Variants in LDLRAD3 observed in about 807,000 individuals in gnomAD.
LDLRAD3 encodes the protein low density lipoprotein receptor class A domain containing 3, also known as low-density lipoprotein receptor class A domain-containing protein 3.
In LDLRAD3, 20 loss-of-function variants were observed where a neutral mutation model predicts 29.4. That is an observed-to-expected ratio of 0.68 (90% CI 0.48 to 0.99). The LOEUF is 0.99. Among genes scored for constraint, LDLRAD3 ranks in the 50% least tolerant of loss-of-function variants. The pLI, the probability that LDLRAD3 is intolerant of heterozygous loss-of-function variation, is 0.00. For synonymous variants in LDLRAD3, 157 were observed against 192.7 expected, an observed-to-expected ratio of 0.81 and a Z score of 1.53; for missense variants, 420 against 454.3, an observed-to-expected ratio of 0.92 and a Z score of 0.69.
At chr11:36,219,878 T>C (rs952371762) in intron 4 of LDLRAD3, among the ~76,000 whole-genome samples, 4 of 151,988 alleles carry the variant, frequency 2.6e-5, no homozygotes, top group Non-Finnish European at 4.4e-5. Flanking sequence ...GTAAAGAAAA[T>C]GAAAAGATAA....
At chr11:36,087,280 G>T (rs1160432548) in intron 3 of LDLRAD3, among the ~76,000 whole-genome samples, 1 of 152,082 alleles carries the variant, frequency 6.6e-6, no homozygotes, top group African/African-American at 2.4e-5. Flanking sequence ...TTTAAATCAT[G>T]GTTTGATACT....
At chr11:36,063,020 T>C (rs1852730207) in intron 2 of LDLRAD3, among the ~76,000 whole-genome samples, 1 of 152,186 alleles carries the variant, frequency 6.6e-6, no homozygotes, top group African/African-American at 2.4e-5. Flanking sequence ...GTCTCTGCAT[T>C]TCATTGTCTG....
intron 2 of LDLRAD3, 111 bp from the exon 3 acceptor site, chr11:36,081,542 T>G: frequency 1.4e-6 from 2 of 1,410,364 alleles, no homozygotes; most frequent in Non-Finnish European, 2.0e-6. Context: ...CTTCAAGGAC[T>G]TTAAGATGAA....
intron 2 of LDLRAD3, among the ~76,000 whole-genome samples, chr11:36,072,863 C>T (rs951572927): frequency 2.0e-5 from 3 of 152,232 alleles, no homozygotes; most frequent in Non-Finnish European, 2.9e-5. Context: ...CTCTAGTTCT[C>T]ACGTGGACCC....
At chr11:36,073,797 G>A (rs11033401) in intron 2 of LDLRAD3, among the ~76,000 whole-genome samples, 3,866 of 152,308 alleles carry the variant, frequency 0.025, 151 homozygotes, top group African/African-American at 0.087. Context: ...TGGCTAATTC[G>A]TTTATAATTA....
At position 36,227,097 on chromosome 11, in the gene LDLRAD3, G is replaced by A; in HGVS notation, c.467G>A (p.Gly156Glu). 3.1e-6 allele frequency: 5 copies of A among 1,594,220 alleles called. No homozygotes were observed. The highest frequency in any genetic ancestry group is 4.3e-6 in the Non-Finnish European group (5 of 1,165,260). ...SCESSQEPGS[G>E]QVFVTSENQL... ...TTGGGTTTCTCAGAACCCGGCAGTG[G>A]GCAGGTGTTTGTGACTTCAGAGAAC... The change falls in exon 5 of 6, where the codon GGG becomes GAG. Residue 156 changes from glycine (G) to glutamate (E), a missense_variant. By Grantham distance (98) the Gly-to-Glu change is moderately conservative. This residue lies in a region of LDLRAD3 where 224 missense variants were observed against 222.2 expected (regional missense o/e 1.01). Coordinates refer to ENST00000315571, the MANE Select transcript of LDLRAD3 (RefSeq NM_174902.4).
chr11:36,056,236 A>C (rs947741722), intron 2 of LDLRAD3, among the ~76,000 whole-genome samples: 1 of 151,590 alleles, frequency 6.6e-6, no homozygotes, highest in Non-Finnish European at 1.5e-5. Flanking sequence ...TTTGTGATCC[A>C]CCCGCCGCGG....
intron 2 of LDLRAD3, among the ~76,000 whole-genome samples, chr11:36,063,023 A>T (rs144038942): frequency 2.4e-4 from 36 of 152,310 alleles, no homozygotes; most frequent in African/African-American, 7.2e-4. Context: ...TCTGCATTTC[A>T]TTGTCTGGAT....
intron 4 of LDLRAD3, among the ~76,000 whole-genome samples, chr11:36,169,236 C>G (rs12798334): frequency 0.052 from 7,959 of 152,236 alleles, 241 homozygotes; most frequent in Middle Eastern, 0.11. Context: ...GCATAATGAT[C>G]AAACCAGGGT....
intron 4 of LDLRAD3, among the ~76,000 whole-genome samples, chr11:36,127,468 T>C (rs917149436): frequency 6.6e-6 from 1 of 152,206 alleles, no homozygotes; most frequent in African/African-American, 2.4e-5. Context: ...ACTAGCCTGT[T>C]AGGTTATTTT....
intron 3 of LDLRAD3, among the ~76,000 whole-genome samples, chr11:36,083,436 G>T (rs1004795782): frequency 1.3e-5 from 2 of 152,078 alleles, no homozygotes; most frequent in Admixed American, 1.3e-4. Flanking sequence ...TATCCCGTAA[G>T]TTAGAATGAG....
chr11:36,219,292 T>C (rs58048041), intron 4 of LDLRAD3, among the ~76,000 whole-genome samples: 10,231 of 152,298 alleles, frequency 0.067, 450 homozygotes, highest in East Asian at 0.2. Context: ...CTGCCTTGAA[T>C]ATTTCTATAT....
intron 2 of LDLRAD3, among the ~76,000 whole-genome samples, chr11:36,048,099 G>C (rs1203211490): frequency 1.3e-5 from 2 of 152,206 alleles, no homozygotes; most frequent in African/African-American, 4.8e-5. Flanking sequence ...AGCCTCCAGG[G>C]TTGGCGAGAG....
chr11:36,117,843 T>G (rs1231612061), intron 4 of LDLRAD3, among the ~76,000 whole-genome samples: 2 of 152,242 alleles, frequency 1.3e-5, no homozygotes, highest in African/African-American at 2.4e-5. Context: ...GTAAGATATC[T>G]ATAAACATTG....
rs183086029 is a variant in LDLRAD3, at chr11:36,034,429, G to A, written c.47-1674G>A. Among the ~76,000 whole-genome samples the A allele has an allele frequency of 8.6e-4, 131 of 152,262 alleles. 1 individual carries two copies. Among genetic ancestry groups the A allele is most frequent in the African/African-American group, 3.0e-3 (125 of 41,554 alleles). ...ATATAGGGGTTGATAGATTGAGGAGGGGACAAGGGAGATTTCTAGGATTCT... is the reference window on the plus strand; with the variant it reads ...ATATAGGGGTTGATAGATTGAGGAGAGGACAAGGGAGATTTCTAGGATTCT... On this transcript the variant is annotated intron_variant, in intron 1 of 5. Coordinates refer to ENST00000315571, the MANE Select transcript of LDLRAD3 (RefSeq NM_174902.4).
intron 3 of LDLRAD3, among the ~76,000 whole-genome samples, chr11:36,095,299 G>A (rs549960406): frequency 1.8e-4 from 27 of 152,312 alleles, no homozygotes; most frequent in African/African-American, 4.1e-4. Flanking sequence ...CTAGGTGGAC[G>A]TACCAATTTG....
At chr11:36,027,085 T>C (rs1183509950) in intron 1 of LDLRAD3, among the ~76,000 whole-genome samples, 1 of 152,194 alleles carries the variant, frequency 6.6e-6, no homozygotes, top group African/African-American at 2.4e-5. Flanking sequence ...CAAAAGTGTG[T>C]GAGCTTCACT....
chr11:36,005,323 C>A (rs577139317), intron 1 of LDLRAD3, among the ~76,000 whole-genome samples: 2 of 152,284 alleles, frequency 1.3e-5, no homozygotes, highest in Non-Finnish European at 1.5e-5. Context: ...TGTGAGATAC[C>A]CTAAATCATC....
At chr11:36,012,280 C>A (rs1387339589) in intron 1 of LDLRAD3, among the ~76,000 whole-genome samples, 1 of 152,188 alleles carries the variant, frequency 6.6e-6, no homozygotes. Flanking sequence ...CTGGCTATAA[C>A]TTTTGCAGTT....
Sources: gnomAD v4.1 joint callset for allele counts (sites outside exome capture counted in the v4.1 genomes callset) on GRCh38, gnomAD v4.1.1 for gene constraint, gnomAD v4.1.1 regional missense constraint, MANE v1.5 for transcripts, NCBI Gene and HGNC (gene_info 2026-07-23, HGNC 2026-07-21) for gene names.